The following TRIO variants were observed in gnomAD, a reference collection of about 807,000 sequenced individuals.
TRIO encodes trio Rho guanine nucleotide exchange factor, also known as triple functional domain protein.
A neutral mutation model predicts 351.9 loss-of-function variants in TRIO; 58 were observed. The ratio of observed to expected loss-of-function variants is 0.16; its 90% CI spans 0.13 to 0.21. The LOEUF (loss-of-function observed/expected upper bound fraction) is 0.21. Ranked by LOEUF, TRIO falls within the 10% of genes least tolerant of loss-of-function variation. TRIO has a pLI of 1.00. For missense variants in TRIO, 3,201 were observed against 4,027.8 expected (o/e 0.79, Z 5.56); for synonymous variants, 1,758 against 1,595.7 (o/e 1.10, Z -2.42).
intron 8 of TRIO, among the ~76,000 whole-genome samples, chr5:14,305,975 AG>A (rs1738333445): frequency 6.6e-6 from 1 of 152,240 alleles, no homozygotes; most frequent in African/African-American, 2.4e-5. Context: ...AGCCTGGAGC[AG>A]TGGGCTGCTC....
chr5:14,176,478 A>C (rs1383926769), intron 1 of TRIO, among the ~76,000 whole-genome samples: 3 of 152,060 alleles, frequency 2.0e-5, no homozygotes, highest in Admixed American at 6.5e-5. Context: ...TCAAAAAAAA[A>C]ACAACAGAGT....
intron 48 of TRIO, chr5:14,490,938 A>G (rs1191294671): frequency 6.8e-6 from 3 of 443,134 alleles, no homozygotes; most frequent in Non-Finnish European, 1.4e-5. Context: ...ATAAATGAGT[A>G]TGCACAAGCC....
chr5:14,158,255 T>C (rs768298056), intron 1 of TRIO, among the ~76,000 whole-genome samples: 10 of 151,968 alleles, frequency 6.6e-5, no homozygotes, highest in Non-Finnish European at 1.3e-4. Context: ...TGAAACCCTG[T>C]CTCTACTAAA....
intron 1 of TRIO, among the ~76,000 whole-genome samples, chr5:14,238,784 T>C (rs1485709085): frequency 5.9e-5 from 9 of 152,246 alleles, no homozygotes; most frequent in Non-Finnish European, 1.0e-4. Flanking sequence ...CTAAAATGTT[T>C]TCCACTTGGT....
At chr5:14,264,793 C>G (rs546554099) in intron 1 of TRIO, among the ~76,000 whole-genome samples, 14 of 152,304 alleles carry the variant, frequency 9.2e-5, no homozygotes, top group Non-Finnish European at 1.5e-4. Flanking sequence ...GTGGCCGGCC[C>G]GGAGAGGGTG....
chr5:14,437,816 C>T (rs768330984), intron 34 of TRIO, among the ~76,000 whole-genome samples: 12 of 151,964 alleles, frequency 7.9e-5, no homozygotes, highest in African/African-American at 1.9e-4. Flanking sequence ...CAGTTCAGCC[C>T]GTAATCCCAC....
intron 36 of TRIO, among the ~76,000 whole-genome samples, chr5:14,463,386 A>G (rs150071298): frequency 1.5e-3 from 234 of 152,322 alleles, no homozygotes; most frequent in Non-Finnish European, 2.2e-3. Context: ...TTTTTCCAAC[A>G]TGCCAGACAT....
At position 14,387,772 on chromosome 5, in the gene TRIO, C is replaced by T. The variant is rs151049431; in HGVS notation, c.3806C>T (p.Pro1269Leu). Residue 1269 changes from proline (P) to leucine (L), a missense_variant, in exon 23 of 57, where the codon CCT becomes CTT. Transcript: ENST00000344204. Reference protein sequence around the residue: ...LQLDIIPASIPGSEVKLRDAA... With the variant: ...LQLDIIPASILGSEVKLRDAA... ...CTAGATATCATTCCAGCCAGTATCCCTGGCTCAGAGGTGAAACTTCGAGAT... is the reference window on the plus strand; with the variant it reads ...CTAGATATCATTCCAGCCAGTATCCTTGGCTCAGAGGTGAAACTTCGAGAT... 6.2e-7 allele frequency: 1 copy of T among 1,614,234 alleles called. No homozygotes were observed. The highest frequency in any genetic ancestry group is 1.3e-5 in the African/African-American group (1 of 75,066).
chr5:14,406,091 G>A, intron 32 of TRIO, 101 bp downstream of exon 32: 1 of 1,483,104 alleles, frequency 6.7e-7, no homozygotes, highest in South Asian at 1.3e-5. Flanking sequence ...CAAACATTTT[G>A]AGGAATACAT....
intron 1 of TRIO, among the ~76,000 whole-genome samples, chr5:14,251,903 G>A (rs1794766551): frequency 6.7e-6 from 1 of 150,066 alleles, no homozygotes; most frequent in African/African-American, 2.5e-5. Flanking sequence ...GACTGGATGT[G>A]ACTACATTTG....
At chr5:14,453,818 A>G (rs555111773) in intron 34 of TRIO, among the ~76,000 whole-genome samples, 1 of 152,276 alleles carries the variant, frequency 6.6e-6, no homozygotes, top group East Asian at 1.9e-4. Flanking sequence ...TGCTGATGAG[A>G]AAGTTAGCGA....
At chr5:14,400,373 C>T (rs1747969413) in intron 30 of TRIO, among the ~76,000 whole-genome samples, 1 of 152,098 alleles carries the variant, frequency 6.6e-6, no homozygotes, top group Admixed American at 6.5e-5. Flanking sequence ...GAGAATGCAT[C>T]AGGGGGACCT....
At position 14,415,974 on chromosome 5, in the gene TRIO, C is replaced by T. The variant is rs1169361342; in HGVS notation, c.4960-3804C>T. 2.0e-5 allele frequency among the ~76,000 whole-genome samples: 3 copies of T among 151,738 alleles called. No homozygotes were observed. The East Asian group carries it at 5.8e-4, about 29-fold the overall frequency. On this transcript the variant is annotated intron_variant, in intron 33 of 56. Transcript: ENST00000344204. ...TGAGTCATGGAAAGTGAGATTTTCA[C>T]AAATTGCAATCCTAAATTCAATGCA... is the stretch of plus-strand genomic sequence containing the variant.
intron 1 of TRIO, among the ~76,000 whole-genome samples, chr5:14,169,602 AC>A (rs1369526825): frequency 3.9e-5 from 6 of 152,190 alleles, no homozygotes; most frequent in African/African-American, 1.2e-4. Flanking sequence ...TATTCATCGA[AC>A]ACACACGTGT....
At chr5:14,449,231 G>A (rs1386803263) in intron 34 of TRIO, among the ~76,000 whole-genome samples, 4 of 152,192 alleles carry the variant, frequency 2.6e-5, no homozygotes, top group Admixed American at 2.6e-4. Flanking sequence ...GAAGGAAATG[G>A]GAGATGAGGC....
intron 13 of TRIO, among the ~76,000 whole-genome samples, chr5:14,361,253 G>GT (rs1744126716): frequency 1.3e-5 from 2 of 151,964 alleles, no homozygotes; most frequent in South Asian, 4.2e-4. Flanking sequence ...TGTATTTATC[G>GT]TAAGTATATG....
At chr5:14,202,791 T>C (rs948498958) in intron 1 of TRIO, among the ~76,000 whole-genome samples, 3 of 150,866 alleles carry the variant, frequency 2.0e-5, no homozygotes, top group African/African-American at 7.3e-5. Flanking sequence ...AGACATGCCT[T>C]TCACCTTCTG....
Position 14,347,962 on chromosome 5 carries a change from TG to T in TRIO, c.2047-10214del, listed in dbSNP as rs1742587888. 2.6e-5 allele frequency among the ~76,000 whole-genome samples: 4 copies of T among 152,228 alleles called. No homozygotes were observed. In the South Asian group the frequency reaches 8.3e-4, roughly 32 times the overall value. ...CAGTACAGAGTAAGAATCACATAGG[TG>T]GCAACAGCATGTGTTTAATGAAGAA... On this transcript the variant is annotated intron_variant, in intron 11 of 56. Coordinates refer to ENST00000344204, the MANE Select transcript of TRIO (RefSeq NM_007118.4).
chr5:14,422,454 CA>C (rs1477079399), intron 34 of TRIO, among the ~76,000 whole-genome samples: 1 of 152,142 alleles, frequency 6.6e-6, no homozygotes, highest in Non-Finnish European at 1.5e-5. Flanking sequence ...ATTTTTATGT[CA>C]AATGTAAAAA....
Sources: gnomAD v4.1 joint callset for allele counts (sites outside exome capture counted in the v4.1 genomes callset) on GRCh38, gnomAD v4.1.1 for gene constraint, MANE v1.5 for transcripts, NCBI Gene and HGNC (gene_info 2026-07-23, HGNC 2026-07-21) for gene names.